Variants in TSPAN9 observed in about 807,000 individuals in gnomAD.
The protein encoded by TSPAN9 is tetraspanin-9.
Under a neutral mutation model 31.0 loss-of-function variants are expected in TSPAN9, and 16 were observed. The ratio of observed to expected loss-of-function variants is 0.52; its 90% CI spans 0.35 to 0.78. The LOEUF (loss-of-function observed/expected upper bound fraction) is 0.78, where lower values mean the gene tolerates loss of function less well. Ranked by LOEUF, TSPAN9 falls within the 30% of genes least tolerant of loss-of-function variation. The probability of loss-of-function intolerance (pLI) is 0.01; values close to 1 mark genes in which losing one functional copy is unlikely to be tolerated. For missense variants in TSPAN9, 272 were observed against 312.5 expected (o/e 0.87, Z 0.98); for synonymous variants, 145 against 121.6 (o/e 1.19, Z -1.27).
At chr12:3,278,278 A>T in intron 3 of TSPAN9, 143 bp from the exon 4 acceptor site, 1 of 1,174,930 alleles carries the variant, frequency 8.5e-7, no homozygotes, top group Non-Finnish European at 1.2e-6. Flanking sequence ...TCGGGTCTGC[A>T]GCCCAACGGT....
At chr12:3,116,906 G>A (rs1204013528) in intron 2 of TSPAN9, among the ~76,000 whole-genome samples, 3 of 152,158 alleles carry the variant, frequency 2.0e-5, no homozygotes, top group Non-Finnish European at 4.4e-5. Flanking sequence ...CTGGCTTGGT[G>A]GTTGTTTGTT....
chr12:3,218,623 G>T (rs1391221310), intron 3 of TSPAN9, among the ~76,000 whole-genome samples: 1 of 152,202 alleles, frequency 6.6e-6, no homozygotes. Context: ...TGGGAATGGG[G>T]AGGAGGAGAG....
intron 3 of TSPAN9, among the ~76,000 whole-genome samples, chr12:3,237,240 T>C (rs1193938195): frequency 6.6e-6 from 1 of 152,168 alleles, no homozygotes; most frequent in Non-Finnish European, 1.5e-5. Context: ...TAAAGTCTCC[T>C]GTGTCAGCGG....
At chr12:3,263,280 A>G (rs1862483362) in intron 3 of TSPAN9, among the ~76,000 whole-genome samples, 2 of 152,242 alleles carry the variant, frequency 1.3e-5, no homozygotes, top group South Asian at 4.1e-4. Flanking sequence ...GGGAAAACCA[A>G]GGCTCAGAGG....
At chr12:3,090,990 C>T (rs1357125416) in intron 2 of TSPAN9, among the ~76,000 whole-genome samples, 1 of 152,214 alleles carries the variant, frequency 6.6e-6, no homozygotes, top group Non-Finnish European at 1.5e-5. Flanking sequence ...GAGGCTTGGA[C>T]TTTGTAGTAG....
chr12:3,099,106 T>A (rs2098310586), intron 2 of TSPAN9, among the ~76,000 whole-genome samples: 1 of 152,140 alleles, frequency 6.6e-6, no homozygotes, highest in Admixed American at 6.6e-5. Flanking sequence ...TGCTCAGCTG[T>A]TGTTTAAGTA....
At chr12:3,217,535 T>A (rs2098381989) in intron 3 of TSPAN9, among the ~76,000 whole-genome samples, 2 of 152,180 alleles carry the variant, frequency 1.3e-5, no homozygotes, top group Admixed American at 1.3e-4. Context: ...GTGAGGGCCC[T>A]GTTTGGGCTT....
chr12:3,083,918 A>G (rs954666770), intron 2 of TSPAN9, 199 bp downstream of exon 2: 1 of 152,264 alleles, frequency 6.6e-6, no homozygotes, highest in Admixed American at 6.5e-5. Context: ...TTTGGGGGCC[A>G]GGCAAGAATG....
At chr12:3,209,418 C>G (rs1054381141) in intron 3 of TSPAN9, among the ~76,000 whole-genome samples, 9 of 152,162 alleles carry the variant, frequency 5.9e-5, no homozygotes, top group Non-Finnish European at 1.2e-4. Flanking sequence ...CTAAACAACA[C>G]TTCTGTAAAC....
intron 3 of TSPAN9, among the ~76,000 whole-genome samples, chr12:3,241,760 G>A (rs1345489744): frequency 1.3e-5 from 2 of 152,218 alleles, no homozygotes. Context: ...AGTGGGGCTG[G>A]GGAGGCGGCT....
At chr12:3,161,328 CA>C (rs1159297411) in intron 2 of TSPAN9, among the ~76,000 whole-genome samples, 1 of 152,206 alleles carries the variant, frequency 6.6e-6, no homozygotes, top group African/African-American at 2.4e-5. Flanking sequence ...CCCAAGGTCA[CA>C]AAGAGTTACA....
intron 2 of TSPAN9, among the ~76,000 whole-genome samples, chr12:3,086,593 G>A (rs1331524215): frequency 6.7e-6 from 1 of 148,420 alleles, no homozygotes; most frequent in Non-Finnish European, 1.5e-5. Context: ...AGGAAGCTCA[G>A]TAAGTGCCCC....
At chr12:3,278,701 ACCT>A in intron 4 of TSPAN9, 89 bp downstream of exon 4, 8 of 1,509,658 alleles carry the variant, frequency 5.3e-6, no homozygotes, top group Non-Finnish European at 7.1e-6. Context: ...AATATTAGCC[ACCT>A]GGGTGTCCAA....
At chr12:3,152,863 C>T (rs1013336255) in intron 2 of TSPAN9, among the ~76,000 whole-genome samples, 1 of 152,246 alleles carries the variant, frequency 6.6e-6, no homozygotes, top group Non-Finnish European at 1.5e-5. Flanking sequence ...GCTGAGATTA[C>T]AGGTGTGAGC....
intron 2 of TSPAN9, among the ~76,000 whole-genome samples, chr12:3,141,371 G>C (rs1396563990): frequency 1.3e-5 from 2 of 152,118 alleles, no homozygotes; most frequent in Non-Finnish European, 2.9e-5. Context: ...GTTCGCCTCG[G>C]TCTCCCAGCC....
intron 3 of TSPAN9, among the ~76,000 whole-genome samples, chr12:3,273,400 CA>C (rs1351138674): frequency 6.6e-6 from 1 of 152,208 alleles, no homozygotes; most frequent in African/African-American, 2.4e-5. Flanking sequence ...GGGAGGGCAT[CA>C]ATCAGGCCTG....
rs1017303588 is a variant in TSPAN9 at position 3,157,629 on chromosome 12, G to T, written c.-17-43548G>T. Among the ~76,000 whole-genome samples the T allele has an allele frequency of 1.2e-4, 18 of 152,358 alleles. No individual in the cohort carries two copies. The East Asian group carries it at 1.3e-3, about 11-fold the overall frequency. ...ATAGTGAATAGCAGCTGCTACTGCT[G>T]TCAGTGTAAACTAAGAAACAGACCT... On this transcript the variant is annotated intron_variant, in intron 2 of 8. Coordinates refer to ENST00000011898, the MANE Select transcript of TSPAN9 (RefSeq NM_006675.5).
rs1167965205 is a variant in TSPAN9 at position 3,147,801 on chromosome 12, T to G, written c.-17-53376T>G. 1.3e-5 allele frequency among the ~76,000 whole-genome samples: 2 copies of G among 152,242 alleles called. No individual in the cohort carries two copies. The highest frequency in any genetic ancestry group is 4.8e-5 in the African/African-American group (2 of 41,462). On this transcript the variant is annotated intron_variant, in intron 2 of 8. Transcript: ENST00000011898. This position sits in a 1 kb window ranked among gnomAD's most constrained non-coding sequence, Gnocchi z 4.3. The stretch of plus-strand genomic sequence containing the variant: ...GACCAGTAGTTTTCACCTGCAGTGT[T>G]GGCTCACACTGGTGGGTGCCCTTTG...
chr12:3,257,671 A>G (rs1591709602), intron 3 of TSPAN9, among the ~76,000 whole-genome samples: 3 of 151,254 alleles, frequency 2.0e-5, no homozygotes, highest in Admixed American at 2.0e-4. Flanking sequence ...CAGGGTTCCC[A>G]GAGGCAGCCT....
Sources: gnomAD v4.1 joint callset for allele counts (sites outside exome capture counted in the v4.1 genomes callset) on GRCh38, gnomAD v4.1.1 for gene constraint, Gnocchi (gnomAD v3.1) non-coding constraint, MANE v1.5 for transcripts, NCBI Gene and HGNC (gene_info 2026-07-23, HGNC 2026-07-21) for gene names.